The following DNM1 variants were observed in gnomAD, a reference collection of about 807,000 sequenced individuals.
DNM1 encodes dynamin 1, also known as dynamin-1.
DNM1 carries 29 observed loss-of-function variants against 104.6 expected under a neutral mutation model. The observed-to-expected ratio is 0.28, with a 90% CI of 0.21 to 0.38. The LOEUF is 0.38. DNM1 is among the 10% of genes least tolerant of loss of function. The pLI is 1.00. For synonymous variants in DNM1, 445 were observed against 475.8 expected (o/e 0.94, Z 0.84); for missense variants, 640 against 1,189.4 (o/e 0.54, Z 6.79).
intron 15 of DNM1, among the ~76,000 whole-genome samples, 175 bp from the exon 16 acceptor site, chr9:128,246,219 T>G (rs1588446455): frequency 1.3e-5 from 2 of 151,774 alleles, no homozygotes; most frequent in East Asian, 1.9e-4. Flanking sequence ...TCTGCGGGGG[T>G]CGGCGGTGCC....
chr9:128,224,405 G>C lies in DNM1; in HGVS notation c.1335+16G>C. 1 of 1,602,610 alleles carries C rather than the reference G, an allele frequency of 6.2e-7. No homozygotes were observed. Among genetic ancestry groups the C allele is most frequent in the Non-Finnish European group, 8.5e-7 (1 of 1,172,868 alleles). On this transcript the variant is annotated intron_variant, in intron 10 of 21. Coordinates refer to ENST00000372923, the MANE Select transcript of DNM1 (RefSeq NM_004408.4). This position sits in a 1 kb window ranked among gnomAD's most constrained non-coding sequence, Gnocchi z 4.3. ...CACCAAGAAGGTAACCCGGAGGCCC[G>C]GGCCAGCCCCCACCGCCTCTGCCCC... is the stretch of plus-strand genomic sequence containing the variant.
intron 1 of DNM1, among the ~76,000 whole-genome samples, chr9:128,216,198 C>A (rs958607843): frequency 5.9e-5 from 9 of 152,194 alleles, no homozygotes; most frequent in Non-Finnish European, 1.3e-4. Context: ...GCACAGGGCC[C>A]GGCACAGACT....
At chr9:128,229,600 CAAAAAAAA>C (rs56072236) in intron 10 of DNM1, among the ~76,000 whole-genome samples, 2 of 66,674 alleles carry the variant, frequency 3.0e-5, no homozygotes, top group South Asian at 7.7e-4. Flanking sequence ...AAAACCTTAT[CAAAAAAAA>C]AAAAAAAAAA....
chr9:128,233,128 G>A (rs1284965735), intron 10 of DNM1, among the ~76,000 whole-genome samples: 3 of 152,262 alleles, frequency 2.0e-5, no homozygotes, highest in Non-Finnish European at 4.4e-5. Context: ...CGATTCGCAG[G>A]CAGAGGGGGA....
rs746765316 is a variant in DNM1 at position 128,203,450 on chromosome 9, C to A, written c.-21C>A. On this transcript the variant is annotated 5_prime_UTR_variant, in exon 1 of 22. Transcript: ENST00000372923. The surrounding 1 kb of genome is among the most constrained non-coding windows in gnomAD (Gnocchi z 5.3). ...AGCGCTAGCGGCAGCCGGATCGCAGCCTGCGGGGCCCGCCGCAGCCATGGG... is the reference window on the plus strand; with the variant it reads ...AGCGCTAGCGGCAGCCGGATCGCAGACTGCGGGGCCCGCCGCAGCCATGGG... 1 of 1,453,284 alleles carries A rather than the reference C, an allele frequency of 6.9e-7. No homozygotes were observed. The highest frequency in any genetic ancestry group is 1.3e-5 in the South Asian group (1 of 75,970). 90.0% of individuals were successfully genotyped at this position (1,453,284 alleles called of 1,614,324 possible).
Position 128,243,039 on chromosome 9 carries a change from A to G in DNM1, c.1671+694A>G, listed in dbSNP as rs1246928399. On this transcript the variant is annotated intron_variant, in intron 15 of 21. Transcript: ENST00000372923. This position sits in a 1 kb window ranked among gnomAD's most constrained non-coding sequence, Gnocchi z 4.0. ...TGACACACACAAGTCTAGCTGCCAG[A>G]CACCCGGTTAACCCCTGCACCCCAG... Among the ~76,000 whole-genome samples, 3 of 152,108 alleles carry G rather than the reference A, an allele frequency of 2.0e-5. No individual in the cohort carries two copies. Among genetic ancestry groups the G allele is most frequent in the Non-Finnish European group, 4.4e-5 (3 of 68,000 alleles).
intron 15 of DNM1, chr9:128,244,659 C>T: frequency 2.1e-6 from 1 of 474,198 alleles, no homozygotes; most frequent in South Asian, 1.6e-5. Context: ...AACCCCCTGG[C>T]TCCAGGCTCC....
Position 128,253,398 on chromosome 9 carries a change from G to A in DNM1, c.2535-1256G>A, listed in dbSNP as rs1829650877. 1 of 544,728 alleles carries A rather than the reference G, an allele frequency of 1.8e-6. No individual in the cohort carries two copies. Among genetic ancestry groups the A allele is most frequent in the Non-Finnish European group, 3.3e-6 (1 of 303,962 alleles). 33.7% of individuals were successfully genotyped at this position (544,728 alleles called of 1,614,324 possible). The stretch of plus-strand genomic sequence containing the variant: ...CTCTTGGAACAGGCTCCGCGCCCAA[G>A]CTGGCAGACATGGGTGCTCTCTGGA... On this transcript the variant is annotated intron_variant, in intron 21 of 21. Coordinates refer to ENST00000372923, the MANE Select transcript of DNM1 (RefSeq NM_004408.4). This position sits in a 1 kb window ranked among gnomAD's most constrained non-coding sequence, Gnocchi z 5.9.
At position 128,242,182 on chromosome 9, in the gene DNM1, T is replaced by C. The variant is rs563984621; in HGVS notation, c.1558-50T>C. 1.5e-5 allele frequency: 16 copies of C among 1,050,580 alleles called. No individual in the cohort carries two copies. In the Admixed American group the frequency reaches 2.0e-4, roughly 13 times the overall value. The allele number at this position is 1,050,580 out of a possible 1,614,324, so 65.1% of individuals were successfully genotyped here. A position where few individuals can be genotyped will look rare whatever the true frequency, so the allele number is the denominator to read the frequency against. ...CTCTCTTTGCCTACCCCATCCCCCA[T>C]GGGGAGGCTCAGGCCCTGTCCACTG... On this transcript the variant is annotated intron_variant, in intron 14 of 21. Transcript: ENST00000372923.
At position 128,253,108 on chromosome 9, in the gene DNM1, A is replaced by C. The variant is rs751542713; in HGVS notation, c.2535-1546A>C. 5.6e-6 allele frequency: 9 copies of C among 1,609,982 alleles called. No individual in the cohort carries two copies. The highest frequency in any genetic ancestry group is 7.6e-6 in the Non-Finnish European group (9 of 1,179,954). ...TTTCGTGCTGTCTTTCAGAATCACT[A>C]TCAGTGACCCCTGAGGAGCGTCAGC... is the stretch of plus-strand genomic sequence containing the variant. On this transcript the variant is annotated intron_variant, in intron 21 of 21. Transcript: ENST00000372923. The surrounding 1 kb of genome is among the most constrained non-coding windows in gnomAD (Gnocchi z 5.9).
chr9:128,206,603 A>G (rs1334484110), intron 1 of DNM1, among the ~76,000 whole-genome samples: 2 of 152,116 alleles, frequency 1.3e-5, no homozygotes, highest in East Asian at 3.9e-4. Context: ...GATGAGAACC[A>G]AGGGATGAGA....
Position 128,218,076 on chromosome 9 carries a change from A to C in DNM1, c.162-155A>C, listed in dbSNP as rs1226043473. ...GTATTTTCCACCTTTCTGGGCTGCCATATGCTCTTAGTTACCTGAAGCCCC... is the reference window on the plus strand; with the variant it reads ...GTATTTTCCACCTTTCTGGGCTGCCCTATGCTCTTAGTTACCTGAAGCCCC... On this transcript the variant is annotated intron_variant, in intron 1 of 21. Transcript: ENST00000372923. This position sits in a 1 kb window ranked among gnomAD's most constrained non-coding sequence, Gnocchi z 4.8. Among the ~76,000 whole-genome samples, 1 of 152,180 alleles carries C rather than the reference A, an allele frequency of 6.6e-6. No homozygotes were observed. Among genetic ancestry groups the C allele is most frequent in the African/African-American group, 2.4e-5 (1 of 41,434 alleles).
chr9:128,245,135 CGAACG>C lies in DNM1; in HGVS notation c.1672-1257_1672-1253del. ...GGGCGGGTGGTGGCGGGGCCTCTCTCGAACGGTTCCAGATGTTCCCTGGCCGTGTG... is the reference window on the plus strand; with the variant it reads ...GGGCGGGTGGTGGCGGGGCCTCTCTCGTTCCAGATGTTCCCTGGCCGTGTG... On this transcript the variant is annotated intron_variant, in intron 15 of 21. Transcript: ENST00000372923. This position sits in a 1 kb window ranked among gnomAD's most constrained non-coding sequence, Gnocchi z 5.2. The C allele has an allele frequency of 4.6e-6, 1 of 215,864 alleles. No individual in the cohort carries two copies. Among genetic ancestry groups the C allele is most frequent in the Non-Finnish European group, 9.7e-6 (1 of 102,796 alleles). The allele number at this position is 215,864 out of a possible 1,614,324, so 13.4% of individuals were successfully genotyped here.
In DNM1 at chr9:128,250,025, C is replaced by T. The variant is rs961474376; in HGVS notation, c.2077-90C>T. On this transcript the variant is annotated intron_variant, in intron 19 of 21. Transcript: ENST00000372923. ...TAGGAGCCGCGTCTGAAAAGCCACA[C>T]CAGCTCACAGTCCCAGCAGGGCCCG... 5.6e-6 allele frequency: 9 copies of T among 1,594,816 alleles called. No homozygotes were observed. In the African/African-American group the frequency reaches 9.4e-5, roughly 17 times the overall value.
chr9:128,253,319 C>G lies in DNM1; in HGVS notation c.2535-1335C>G, dbSNP rs895349143. ...CTGGCTCTCTCACCTCCCTTCCCTGCGAGCCTCGGGACTCAGTGCCACTGC... is the reference window on the plus strand; with the variant it reads ...CTGGCTCTCTCACCTCCCTTCCCTGGGAGCCTCGGGACTCAGTGCCACTGC... On this transcript the variant is annotated intron_variant, in intron 21 of 21. Coordinates refer to ENST00000372923, the MANE Select transcript of DNM1 (RefSeq NM_004408.4). The surrounding 1 kb of genome is among the most constrained non-coding windows in gnomAD (Gnocchi z 5.9). 3 of 626,730 alleles carry G rather than the reference C, an allele frequency of 4.8e-6. No homozygotes were observed. Among genetic ancestry groups the G allele is most frequent in the Non-Finnish European group, 8.5e-6 (3 of 354,536 alleles). 38.8% of individuals were successfully genotyped at this position (626,730 alleles called of 1,614,324 possible).
chr9:128,227,586 T>C (rs545755000), intron 10 of DNM1, among the ~76,000 whole-genome samples: 1 of 151,924 alleles, frequency 6.6e-6, no homozygotes, highest in South Asian at 2.1e-4. Context: ...TTCACCATGT[T>C]AGCCAGGCTG....
At chr9:128,233,796 A>G in intron 10 of DNM1, 2 of 572,708 alleles carry the variant, frequency 3.5e-6, no homozygotes, top group Non-Finnish European at 6.2e-6. Context: ...GCCCGGAACC[A>G]GGAAGACCCT....
chr9:128,245,065 G>C lies in DNM1; in HGVS notation c.1672-1329G>C, dbSNP rs966395496. On this transcript the variant is annotated intron_variant, in intron 15 of 21. Transcript: ENST00000372923. The surrounding 1 kb of genome is among the most constrained non-coding windows in gnomAD (Gnocchi z 5.2). ...GGCCGGCCGGCAGGAAGGGAGGGGT[G>C]GGGGGAGGAGGCCGCTCCTACCTAG... 2 of 261,784 alleles carry C rather than the reference G, an allele frequency of 7.6e-6. No homozygotes were observed. Among genetic ancestry groups the C allele is most frequent in the East Asian group, 9.7e-5 (1 of 10,314 alleles). The allele number at this position is 261,784 out of a possible 1,614,324, so 16.2% of individuals were successfully genotyped here. A position where few individuals can be genotyped will look rare whatever the true frequency, so the allele number is the denominator to read the frequency against.
At chr9:128,209,179 T>C (rs930221934) in intron 1 of DNM1, among the ~76,000 whole-genome samples, 8 of 152,152 alleles carry the variant, frequency 5.3e-5, no homozygotes, top group South Asian at 2.1e-4. Flanking sequence ...GTGGGCCACA[T>C]GTGGAGCACA....
Sources: allele counts gnomAD v4.1 joint callset (sites outside exome capture counted in the v4.1 genomes callset), GRCh38; gene constraint gnomAD v4.1.1; non-coding constraint Gnocchi (gnomAD v3.1); transcripts MANE v1.5; gene names NCBI Gene and HGNC (gene_info 2026-07-23, HGNC 2026-07-21).